IMMP2L: variants seen among roughly 807,000 people sequenced by gnomAD.
IMMP2L encodes the protein mitochondrial inner membrane protease subunit 2.
In IMMP2L, 18 loss-of-function variants were observed where a neutral mutation model predicts 19.3. The ratio of observed to expected loss-of-function variants is 0.93; its 90% confidence interval spans 0.64 to 1.38. The LOEUF (loss-of-function observed/expected upper bound fraction) is 1.38. IMMP2L is among the 40% of genes most tolerant of loss of function. IMMP2L has a pLI of 0.00. For missense variants in IMMP2L, 233 were observed against 218.2 expected, an observed-to-expected ratio of 1.07 and a Z score of -0.43; for synonymous variants, 76 against 73.0, an observed-to-expected ratio of 1.04 and a Z score of -0.21.
At chr7:111,169,471 G>T (rs1806195223) in intron 3 of IMMP2L, among the ~76,000 whole-genome samples, 1 of 151,870 alleles carries the variant, frequency 6.6e-6, no homozygotes, top group Non-Finnish European at 1.5e-5. Flanking sequence ...ATTCAGGGTT[G>T]GTTTCTTCTG....
intron 3 of IMMP2L, among the ~76,000 whole-genome samples, chr7:111,236,157 A>T (rs1270179385): frequency 6.6e-6 from 1 of 151,280 alleles, no homozygotes; most frequent in African/African-American, 2.4e-5. Flanking sequence ...GTTTTTTTTT[A>T]ACTGATTGAT....
chr7:110,840,556 G>T (rs936183143), intron 5 of IMMP2L, among the ~76,000 whole-genome samples: 2 of 152,066 alleles, frequency 1.3e-5, no homozygotes, highest in Admixed American at 6.6e-5. Context: ...GCAGAGGGTG[G>T]GGTGGAAAAA....
At chr7:111,391,852 C>G in intron 3 of IMMP2L, 1 of 702,464 alleles carries the variant, frequency 1.4e-6, no homozygotes, top group Non-Finnish European at 2.6e-6. Flanking sequence ...CTTTCAGTTG[C>G]CTCCACTCTC....
At chr7:111,232,361 T>A (rs1301789304) in intron 3 of IMMP2L, among the ~76,000 whole-genome samples, 1 of 150,870 alleles carries the variant, frequency 6.6e-6, no homozygotes, top group Non-Finnish European at 1.5e-5. Context: ...CTATATTGAT[T>A]CATTTTGGAG....
intron 5 of IMMP2L, among the ~76,000 whole-genome samples, chr7:110,811,156 G>GT (rs1016473139): frequency 1.3e-5 from 2 of 151,774 alleles, no homozygotes; most frequent in Non-Finnish European, 2.9e-5. Context: ...AAATTTATTA[G>GT]TTTTTTTTAT....
At chr7:111,369,464 G>A (rs566020446) in intron 3 of IMMP2L, among the ~76,000 whole-genome samples, 54 of 151,940 alleles carry the variant, frequency 3.6e-4, no homozygotes, top group African/African-American at 1.2e-3. Context: ...AAAATTACTC[G>A]TGTCAAAGTC....
At chr7:110,811,897 G>T (rs1163262704) in intron 5 of IMMP2L, among the ~76,000 whole-genome samples, 1 of 151,914 alleles carries the variant, frequency 6.6e-6, no homozygotes. Context: ...CTAACCCTCT[G>T]GCCACAGTGA....
intron 3 of IMMP2L, among the ~76,000 whole-genome samples, chr7:110,995,214 C>G (rs1324187326): frequency 6.6e-6 from 1 of 151,880 alleles, no homozygotes; most frequent in African/African-American, 2.4e-5. Context: ...TTACGGGCTC[C>G]GTTAAAGTGA....
At chr7:110,672,600 G>T (rs182084348) in intron 5 of IMMP2L, among the ~76,000 whole-genome samples, 130 of 152,270 alleles carry the variant, frequency 8.5e-4, no homozygotes, top group African/African-American at 2.9e-3. Context: ...TCATAAGCAA[G>T]TTAGTTACGT....
intron 3 of IMMP2L, among the ~76,000 whole-genome samples, chr7:111,431,781 G>C (rs1335899174): frequency 6.6e-6 from 1 of 151,638 alleles, no homozygotes; most frequent in South Asian, 2.1e-4. Flanking sequence ...TTCTCTTTCA[G>C]AAGTAATGGC....
chr7:110,677,189 T>C (rs1417748633), intron 5 of IMMP2L, among the ~76,000 whole-genome samples: 1 of 152,066 alleles, frequency 6.6e-6, no homozygotes, highest in East Asian at 1.9e-4. Context: ...TAGCATAACA[T>C]TGAGATTTCT....
chr7:111,526,930 A>C lies in IMMP2L; in HGVS notation c.-2-5481T>G, dbSNP rs1027356622. 9.9e-5 allele frequency among the ~76,000 whole-genome samples: 15 copies of C among 152,146 alleles called. 1 individual carries two copies. Among genetic ancestry groups the C allele is most frequent in the Non-Finnish European group, 1.6e-4 (11 of 68,026 alleles). On this transcript the variant is annotated intron_variant, in intron 1 of 5. Coordinates refer to ENST00000405709, the MANE Select transcript of IMMP2L (RefSeq NM_032549.4). ...AGTATGCATGATTAAAATGTAAATTAAGGGGGAAACATTAATAAAAGTTGC... is the reference window on the plus strand; with the variant it reads ...AGTATGCATGATTAAAATGTAAATTCAGGGGGAAACATTAATAAAAGTTGC...
chr7:110,940,849 G>GA (rs35745636), intron 4 of IMMP2L, among the ~76,000 whole-genome samples: 6 of 151,794 alleles, frequency 4.0e-5, no homozygotes, highest in African/African-American at 7.3e-5. Context: ...TTGGCTTGGG[G>GA]AAAAAAAATG....
chr7:110,678,447 GA>G (rs1294493430), intron 5 of IMMP2L, among the ~76,000 whole-genome samples: 1 of 152,028 alleles, frequency 6.6e-6, no homozygotes, highest in African/African-American at 2.4e-5. Context: ...TTAAATATAA[GA>G]AAAGGTGAAT....
At chr7:110,664,069 G>T (rs1034938415) in intron 5 of IMMP2L, among the ~76,000 whole-genome samples, 1 of 152,090 alleles carries the variant, frequency 6.6e-6, no homozygotes, top group Non-Finnish European at 1.5e-5. Context: ...GTTAGTCTGT[G>T]TTTAGAACCA....
chr7:111,212,023 C>A (rs760232192), intron 3 of IMMP2L, among the ~76,000 whole-genome samples: 1 of 151,954 alleles, frequency 6.6e-6, no homozygotes, highest in South Asian at 2.1e-4. Context: ...AGATTGAAAT[C>A]CTGTTTAATG....
intron 3 of IMMP2L, among the ~76,000 whole-genome samples, chr7:111,458,642 C>T (rs2131984786): frequency 6.6e-6 from 1 of 152,188 alleles, no homozygotes; most frequent in Admixed American, 6.5e-5. Flanking sequence ...TCACTCTCTT[C>T]AAGATCCTTT....
chr7:111,365,739 A>T lies in IMMP2L; in HGVS notation c.239+121499T>A, dbSNP rs577803293. On this transcript the variant is annotated intron_variant, in intron 3 of 5. Coordinates refer to ENST00000405709, the MANE Select transcript of IMMP2L (RefSeq NM_032549.4). ...TTTATGAAACTTGGTTTTTAATGCCATTCCTCACCAAAAAGAATCATGGCT... is the reference window on the plus strand; with the variant it reads ...TTTATGAAACTTGGTTTTTAATGCCTTTCCTCACCAAAAAGAATCATGGCT... 2.6e-5 allele frequency among the ~76,000 whole-genome samples: 4 copies of T among 152,250 alleles called. No individual in the cohort carries two copies. In the South Asian group the frequency reaches 8.3e-4, roughly 32 times the overall value.
At chr7:111,443,020 A>T (rs191736431) in intron 3 of IMMP2L, among the ~76,000 whole-genome samples, 3 of 152,076 alleles carry the variant, frequency 2.0e-5, no homozygotes, top group Admixed American at 1.3e-4. Context: ...CGCTTCAGAC[A>T]TACTGAGGAT....
Sources: gnomAD v4.1 joint callset for allele counts (sites outside exome capture counted in the v4.1 genomes callset) on GRCh38, gnomAD v4.1.1 for gene constraint, MANE v1.5 for transcripts, NCBI Gene and HGNC (gene_info 2026-07-23, HGNC 2026-07-21) for gene names.